MCC: variants seen among roughly 807,000 people sequenced by gnomAD.
MCC encodes the protein colorectal mutant cancer protein.
MCC carries 90 observed loss-of-function variants against 116.2 expected under a neutral mutation model. That is an observed-to-expected ratio of 0.77 (90% CI 0.65 to 0.92). MCC has a LOEUF of 0.92. Among genes scored for constraint, MCC ranks in the 40% least tolerant of loss-of-function variants. The pLI is 0.00. For missense variants in MCC, 1,516 were observed against 1,312.2 expected, an observed-to-expected ratio of 1.16 and a Z score of -2.40; for synonymous variants, 578 against 510.5, an observed-to-expected ratio of 1.13 and a Z score of -1.78.
At chr5:113,227,637 C>T (rs941815602) in intron 3 of MCC, among the ~76,000 whole-genome samples, 1 of 152,172 alleles carries the variant, frequency 6.6e-6, no homozygotes, top group Non-Finnish European at 1.5e-5. Context: ...TTTCTATAGA[C>T]AGTAGAACAT....
At chr5:113,099,668 C>T (rs897871215) in intron 8 of MCC, among the ~76,000 whole-genome samples, 3 of 152,186 alleles carry the variant, frequency 2.0e-5, no homozygotes, top group Non-Finnish European at 4.4e-5. Context: ...TGTGCATGAC[C>T]CAGGCAATCT....
intron 3 of MCC, among the ~76,000 whole-genome samples, chr5:113,299,270 G>C (rs1194994151): frequency 3.6e-5 from 4 of 110,106 alleles, no homozygotes; most frequent in African/African-American, 1.4e-4. Flanking sequence ...TCCAGCCTGG[G>C]CAACAGAGTG....
intron 6 of MCC, among the ~76,000 whole-genome samples, chr5:113,110,743 C>G (rs533448102): frequency 6.6e-5 from 10 of 152,312 alleles, no homozygotes; most frequent in African/African-American, 1.9e-4. Flanking sequence ...AAACCAGCCA[C>G]CTGCAGCCAA....
chr5:113,486,639 T>C (rs1212474329), intron 1 of MCC, among the ~76,000 whole-genome samples: 1 of 152,048 alleles, frequency 6.6e-6, no homozygotes, highest in Non-Finnish European at 1.5e-5. Context: ...GGGTCAGGAA[T>C]TCGAGACCAG....
chr5:113,286,252 A>G lies in MCC; in HGVS notation c.627+54267T>C, dbSNP rs1305855056. Among the ~76,000 whole-genome samples the G allele has an allele frequency of 3.9e-5, 6 of 152,216 alleles. No homozygotes were observed. The East Asian group carries it at 5.8e-4, about 15-fold the overall frequency. ...AGACTCTAAGAGTGCTGTGTGTTCT[A>G]TGGACAAGTTCACACAACCCACAGG... On this transcript the variant is annotated intron_variant, in intron 3 of 18. Coordinates refer to ENST00000408903, the MANE Select transcript of MCC (RefSeq NM_001085377.2).
intron 11 of MCC, among the ~76,000 whole-genome samples, chr5:113,074,332 G>A (rs1399442387): frequency 2.0e-5 from 3 of 152,168 alleles, no homozygotes; most frequent in South Asian, 2.1e-4. Flanking sequence ...ACTATTAGAA[G>A]GAAAACTAAC....
chr5:113,413,283 C>T (rs957333610), intron 1 of MCC, among the ~76,000 whole-genome samples: 3 of 152,218 alleles, frequency 2.0e-5, no homozygotes, highest in Admixed American at 1.3e-4. Flanking sequence ...ATGCTGTCCT[C>T]ATAAAATGAG....
chr5:113,082,498 G>A (rs994302309), intron 11 of MCC, among the ~76,000 whole-genome samples: 2 of 152,228 alleles, frequency 1.3e-5, no homozygotes, highest in Non-Finnish European at 1.5e-5. Flanking sequence ...TTGCCATTCT[G>A]TAGGGACTGC....
intron 16 of MCC, among the ~76,000 whole-genome samples, chr5:113,044,938 G>A (rs1228167070): frequency 1.8e-4 from 27 of 152,160 alleles, no homozygotes; most frequent in Non-Finnish European, 1.5e-5. Context: ...GCAAGTCCAG[G>A]CATGTGGTCT....
intron 1 of MCC, among the ~76,000 whole-genome samples, chr5:113,444,784 T>C (rs989761859): frequency 4.6e-5 from 7 of 152,192 alleles, no homozygotes; most frequent in African/African-American, 1.7e-4. Flanking sequence ...GTTCTCTATA[T>C]TGAAGGCCTT....
At chr5:113,288,084 A>C (rs1191843030) in intron 3 of MCC, among the ~76,000 whole-genome samples, 2 of 152,112 alleles carry the variant, frequency 1.3e-5, no homozygotes, top group Middle Eastern at 3.2e-3. Context: ...GATCTACTGC[A>C]CCTGATCCAC....
At chr5:113,446,164 G>A (rs1771213366) in intron 1 of MCC, among the ~76,000 whole-genome samples, 4 of 152,088 alleles carry the variant, frequency 2.6e-5, no homozygotes, top group African/African-American at 4.8e-5. Flanking sequence ...AGAAAACTTA[G>A]GCAACACCAT....
At chr5:113,250,987 C>A (rs6888602) in intron 3 of MCC, among the ~76,000 whole-genome samples, 3 of 152,108 alleles carry the variant, frequency 2.0e-5, no homozygotes, top group African/African-American at 7.2e-5. Context: ...AGGATTTATA[C>A]CTTTTCCTTA....
At chr5:113,104,037 C>A (rs1010819977) in intron 7 of MCC, among the ~76,000 whole-genome samples, 155 bp downstream of exon 7, 1 of 152,086 alleles carries the variant, frequency 6.6e-6, no homozygotes, top group Non-Finnish European at 1.5e-5. Flanking sequence ...ATTTCTAGAG[C>A]CCCCGCTTCT....
intron 6 of MCC, among the ~76,000 whole-genome samples, chr5:113,116,491 A>G (rs973379224): frequency 6.6e-6 from 1 of 152,212 alleles, no homozygotes; most frequent in African/African-American, 2.4e-5. Flanking sequence ...GACATGGTCT[A>G]TTTAGAAAAT....
chr5:113,429,081 T>C (rs1470017117), intron 1 of MCC, among the ~76,000 whole-genome samples: 4 of 152,198 alleles, frequency 2.6e-5, no homozygotes, highest in Non-Finnish European at 4.4e-5. Context: ...ACAAAAACTT[T>C]ACATATACTC....
chr5:113,110,369 G>A (rs1757015910), intron 6 of MCC, among the ~76,000 whole-genome samples: 1 of 152,184 alleles, frequency 6.6e-6, no homozygotes, highest in Non-Finnish European at 1.5e-5. Flanking sequence ...GGCATCCTCA[G>A]CAAATATGAA....
intron 12 of MCC, 59 bp downstream of exon 12, chr5:113,071,035 G>A: frequency 6.4e-7 from 1 of 1,560,716 alleles, no homozygotes. Context: ...TTATTCTGAA[G>A]GTTACTCTGG....
Position 113,025,214 on chromosome 5 carries a change from TAGG to T in MCC, c.*2085_*2087del, listed in dbSNP as rs1750451907. 6.6e-6 allele frequency: 1 copy of T among 150,610 alleles called. No homozygotes were observed. The highest frequency in any genetic ancestry group is 1.5e-5 in the Non-Finnish European group (1 of 67,804). 9.3% of individuals were successfully genotyped at this position (150,610 alleles called of 1,614,324 possible). On this transcript the variant is annotated 3_prime_UTR_variant, in exon 19 of 19. Transcript: ENST00000408903. The stretch of plus-strand genomic sequence containing the variant: ...CTTTGCTCAGGGGAGGACGTTTCCC[TAGG>T]CAAGCTGGAAAAATAGTGAAAACTG...
Sources: allele counts gnomAD v4.1 joint callset (sites outside exome capture counted in the v4.1 genomes callset), GRCh38; gene constraint gnomAD v4.1.1; transcripts MANE v1.5; gene names NCBI Gene and HGNC (gene_info 2026-07-23, HGNC 2026-07-21).